Variants in GPC3 observed in about 807,000 individuals in gnomAD.
GPC3 encodes the protein glypican 3.
In GPC3, 3 loss-of-function variants were observed where a neutral mutation model predicts 34.4. The observed-to-expected ratio is 0.09, with a 90% CI of 0.04 to 0.23. The LOEUF is 0.23. GPC3 is among the 10% of genes least tolerant of loss of function. GPC3 has a pLI of 1.00. For missense variants in GPC3, 351 were observed against 445.6 expected (o/e 0.79, Z 1.91); for synonymous variants, 177 against 174.0 (o/e 1.02, Z -0.13).
intron 2 of GPC3, among the ~76,000 whole-genome samples, chrX:133,890,075 C>T (rs189897672): frequency 7.6e-4 from 84 of 110,520 alleles, no homozygotes; most frequent in South Asian, 1.9e-3. Flanking sequence ...GGCCTCTAGC[C>T]TTCTTTTGAT....
intron 2 of GPC3, among the ~76,000 whole-genome samples, chrX:133,792,085 G>A (rs994818740): frequency 1.8e-5 from 2 of 109,234 alleles, no homozygotes; most frequent in Admixed American, 2.0e-4. Context: ...TGTCATGTTG[G>A]CCAGGCTGGT....
At chrX:133,770,581 C>T (rs1448448544) in intron 2 of GPC3, among the ~76,000 whole-genome samples, 3 of 111,490 alleles carry the variant, frequency 2.7e-5, no homozygotes, top group African/African-American at 9.8e-5. Flanking sequence ...CCTAGAAAGT[C>T]CCAAGTTCTG....
chrX:133,834,394 T>C (rs577434185), intron 2 of GPC3, among the ~76,000 whole-genome samples: 3 of 111,790 alleles, frequency 2.7e-5, no homozygotes, highest in South Asian at 7.6e-4. Flanking sequence ...GGGAGGAAAG[T>C]GTCTGTCCAG....
At chrX:133,658,564 A>G (rs961861229) in intron 6 of GPC3, among the ~76,000 whole-genome samples, 9 of 111,666 alleles carry the variant, frequency 8.1e-5, no homozygotes, top group Non-Finnish European at 1.1e-4. Context: ...AGATCGAATC[A>G]TGGCCAAAAT....
chrX:133,594,339 G>A (rs905499096), intron 7 of GPC3, among the ~76,000 whole-genome samples: 4 of 111,213 alleles, frequency 3.6e-5, no homozygotes, highest in East Asian at 2.8e-4. Flanking sequence ...AGCTGGAGAT[G>A]TGGGATGGTA....
chrX:133,665,573 G>C (rs1351939909), intron 5 of GPC3, among the ~76,000 whole-genome samples: 1 of 112,227 alleles, frequency 8.9e-6, no homozygotes. Context: ...AGATGCTGAA[G>C]AGCACATTTG....
intron 6 of GPC3, among the ~76,000 whole-genome samples, chrX:133,600,211 A>C (rs1603185098): frequency 1.8e-5 from 2 of 112,132 alleles, no homozygotes; most frequent in Non-Finnish European, 3.8e-5. Flanking sequence ...ATGAAGTGTT[A>C]TGGTATCTTT....
intron 5 of GPC3, 24 bp from the exon 6 acceptor site, chrX:133,661,874 A>T: frequency 8.3e-7 from 1 of 1,200,501 alleles, no homozygotes; most frequent in East Asian, 3.0e-5. Context: ...GGTAAAGAAA[A>T]GGTTTGTCAA....
At chrX:133,732,188 T>C (rs1170149942) in intron 3 of GPC3, among the ~76,000 whole-genome samples, 1 of 111,025 alleles carries the variant, frequency 9.0e-6, no homozygotes, top group African/African-American at 3.3e-5. Context: ...CAGATAAGGA[T>C]CTATGAAACA....
intron 4 of GPC3, among the ~76,000 whole-genome samples, chrX:133,695,064 G>A (rs1449927782): frequency 1.8e-5 from 2 of 111,807 alleles, no homozygotes; most frequent in Non-Finnish European, 3.8e-5. Context: ...GCTCTGCATG[G>A]CTGGGGAGGC....
At chrX:133,935,100 C>T (rs1448698127) in intron 2 of GPC3, among the ~76,000 whole-genome samples, 1 of 111,906 alleles carries the variant, frequency 8.9e-6, no homozygotes, top group African/African-American at 3.2e-5. Context: ...GAAACACTTC[C>T]TTCCTACTAG....
intron 5 of GPC3, among the ~76,000 whole-genome samples, chrX:133,663,401 A>G (rs746436696): frequency 3.6e-5 from 4 of 111,582 alleles, no homozygotes; most frequent in Admixed American, 9.4e-5. Flanking sequence ...CTGGGATTAC[A>G]GGTGTGAGCC....
At chrX:133,947,370 C>T (rs185296772) in intron 2 of GPC3, among the ~76,000 whole-genome samples, 29 of 111,636 alleles carry the variant, frequency 2.6e-4, no homozygotes, top group Admixed American at 1.6e-3. Context: ...ATAATCTCCT[C>T]ACCTCATGGT....
chrX:133,941,690 A>C (rs2076345618), intron 2 of GPC3, among the ~76,000 whole-genome samples: 1 of 112,041 alleles, frequency 8.9e-6, no homozygotes, highest in Non-Finnish European at 1.9e-5. Flanking sequence ...ATTAGTAAAG[A>C]ATCAAAGAAT....
chrX:133,900,021 T>C lies in GPC3; in HGVS notation c.337+53029A>G, dbSNP rs1457578403. ...TTTCACCATGTTGGTCAGGTTGGTCTCAAACTTCTGAGCTCAGGTGATCCA... is the reference window on the plus strand; with the variant it reads ...TTTCACCATGTTGGTCAGGTTGGTCCCAAACTTCTGAGCTCAGGTGATCCA... On this transcript the variant is annotated intron_variant, in intron 2 of 7. Transcript: ENST00000370818. 2.7e-5 allele frequency among the ~76,000 whole-genome samples: 3 copies of C among 111,689 alleles called. No homozygotes were observed. The Admixed American group carries it at 2.9e-4, about 11-fold the overall frequency.
chrX:133,591,394 T>C (rs2069846332), intron 7 of GPC3, among the ~76,000 whole-genome samples: 1 of 111,673 alleles, frequency 9.0e-6, no homozygotes, highest in Non-Finnish European at 1.9e-5. Context: ...ATAGCTATTA[T>C]GCCAAATAGC....
intron 2 of GPC3, among the ~76,000 whole-genome samples, chrX:133,822,030 T>A (rs2075722038): frequency 1.8e-5 from 2 of 112,132 alleles, no homozygotes; most frequent in African/African-American, 6.5e-5. Flanking sequence ...GCAGTTTTGC[T>A]ATCTGTGGTC....
chrX:133,976,200 T>A (rs1386016851), intron 1 of GPC3, among the ~76,000 whole-genome samples: 1 of 112,163 alleles, frequency 8.9e-6, no homozygotes, highest in African/African-American at 3.2e-5. Flanking sequence ...AGGCTTAGTC[T>A]CTAGATTATT....
chrX:133,595,048 G>A (rs1229331371), intron 7 of GPC3, among the ~76,000 whole-genome samples: 3 of 110,554 alleles, frequency 2.7e-5, no homozygotes, highest in Non-Finnish European at 3.8e-5. Flanking sequence ...GACAGAGAGA[G>A]ACCCTATCTC....
Sources: allele counts gnomAD v4.1 joint callset (sites outside exome capture counted in the v4.1 genomes callset), GRCh38; gene constraint gnomAD v4.1.1; transcripts MANE v1.5; gene names NCBI Gene and HGNC (gene_info 2026-07-23, HGNC 2026-07-21).